The following ITFG1 variants were observed in gnomAD, a reference collection of about 807,000 sequenced individuals.
ITFG1 encodes integrin alpha FG-GAP repeat containing 1.
A neutral mutation model predicts 81.8 loss-of-function variants in ITFG1; 34 were observed. The observed-to-expected ratio is 0.42, with a 90% CI of 0.32 to 0.55. The LOEUF is 0.55. ITFG1 is among the 20% of genes least tolerant of loss of function. The pLI is 0.17. For missense variants in ITFG1, 672 were observed against 755.4 expected (o/e 0.89, Z 1.29); for synonymous variants, 285 against 270.6 (o/e 1.05, Z -0.52).
intron 13 of ITFG1, among the ~76,000 whole-genome samples, chr16:47,232,889 C>T (rs1415782467): frequency 1.3e-5 from 2 of 152,074 alleles, no homozygotes; most frequent in East Asian, 3.9e-4. Flanking sequence ...GATCCTCCTG[C>T]CTCGACCTCC....
rs1000629772 is a variant in ITFG1 at position 47,461,022 on chromosome 16, C to G, written c.24G>C (p.Pro8=). 7 of 1,544,194 alleles carry G rather than the reference C, an allele frequency of 4.5e-6. No individual in the cohort carries two copies. In the African/African-American group the frequency reaches 9.6e-5, roughly 21 times the overall value. ...GCGGCGAGAAGAGGGCCCAGGAGCT[C>G]GGGAGCCGGCCCGCCGCCGCCATGG... MAAAGRL[P]SSWALFSPLL... Residue 8 remains proline (P), a synonymous_variant, in exon 1 of 18, where the codon CCG becomes CCC. Transcript: ENST00000320640.
intron 10 of ITFG1, among the ~76,000 whole-genome samples, chr16:47,301,309 C>A (rs1057024171): frequency 2.0e-5 from 3 of 151,938 alleles, no homozygotes. Context: ...GTCAAACCTG[C>A]AAGTGCCTTA....
At chr16:47,394,791 T>C (rs1231474039) in intron 6 of ITFG1, among the ~76,000 whole-genome samples, 2 of 152,180 alleles carry the variant, frequency 1.3e-5, no homozygotes, top group East Asian at 1.9e-4. Context: ...TTCCTATGAA[T>C]GGTATCTGAG....
rs59625674 is a variant in ITFG1 at position 47,396,524 on chromosome 16, T to TTG, written c.656-20586_656-20585dup. ...ACAGTCTCCTAACCTAATAATTATT[T>TTG]TGTGTGTGTGTGTGTGTGTGAAAGA... On this transcript the variant is annotated intron_variant, in intron 6 of 17. Transcript: ENST00000320640. Among the ~76,000 whole-genome samples, 1,417 of 149,168 alleles carry TTG rather than the reference T, an allele frequency of 9.5e-3. 14 individuals carry two copies. Among genetic ancestry groups the TTG allele is most frequent in the Non-Finnish European group, 0.015 (1,010 of 67,222 alleles).
chr16:47,195,696 T>C (rs1007438310), intron 14 of ITFG1, among the ~76,000 whole-genome samples: 2 of 152,208 alleles, frequency 1.3e-5, no homozygotes, highest in African/African-American at 4.8e-5. Flanking sequence ...GTTTGTCTGA[T>C]AGCCTTTATT....
intron 6 of ITFG1, among the ~76,000 whole-genome samples, chr16:47,378,213 A>G (rs1968351146): frequency 6.6e-6 from 1 of 152,364 alleles, no homozygotes; most frequent in East Asian, 1.9e-4. Context: ...ATGCTACTAC[A>G]TTACAGGTGA....
At chr16:47,317,590 T>C (rs1181638009) in intron 8 of ITFG1, 1 of 152,152 alleles carries the variant, frequency 6.6e-6, no homozygotes, top group Non-Finnish European at 1.5e-5. Flanking sequence ...TTGTTGGACA[T>C]GAGAATTCTT....
chr16:47,414,597 CA>C (rs1968851998), intron 6 of ITFG1, among the ~76,000 whole-genome samples: 1 of 151,844 alleles, frequency 6.6e-6, no homozygotes, highest in African/African-American at 2.4e-5. Context: ...ACAATAACAA[CA>C]AAAACCCAGG....
At chr16:47,433,103 T>G (rs1969114459) in intron 5 of ITFG1, among the ~76,000 whole-genome samples, 1 of 152,212 alleles carries the variant, frequency 6.6e-6, no homozygotes, top group Non-Finnish European at 1.5e-5. Flanking sequence ...CTGAAATAAA[T>G]TATGGCTAGA....
chr16:47,166,820 T>C (rs1403503746), intron 14 of ITFG1, among the ~76,000 whole-genome samples: 1 of 151,664 alleles, frequency 6.6e-6, no homozygotes, highest in Non-Finnish European at 1.5e-5. Flanking sequence ...AGATACAGAA[T>C]ACTGGATCAA....
chr16:47,448,353 T>C (rs540587220), intron 5 of ITFG1: 10 of 152,334 alleles, frequency 6.6e-5, no homozygotes, highest in African/African-American at 2.4e-4. Flanking sequence ...TCTGGATTGA[T>C]AGTAGCTGAC....
At chr16:47,293,199 TC>T (rs1966934216) in intron 10 of ITFG1, among the ~76,000 whole-genome samples, 2 of 147,072 alleles carry the variant, frequency 1.4e-5, no homozygotes, top group Non-Finnish European at 3.0e-5. Context: ...ATATTATATA[TC>T]ATATATAAAT....
At chr16:47,236,460 G>C (rs1225034786) in intron 13 of ITFG1, among the ~76,000 whole-genome samples, 1 of 136,076 alleles carries the variant, frequency 7.3e-6, no homozygotes. Flanking sequence ...GGGGGACAGA[G>C]TGAGACTCCA....
chr16:47,245,424 C>T (rs183108593), intron 12 of ITFG1, among the ~76,000 whole-genome samples: 3 of 152,030 alleles, frequency 2.0e-5, no homozygotes, highest in African/African-American at 7.2e-5. Context: ...TTACTTCAAC[C>T]CATAATTGCA....
At chr16:47,409,758 T>C (rs1968786848) in intron 6 of ITFG1, among the ~76,000 whole-genome samples, 1 of 151,606 alleles carries the variant, frequency 6.6e-6, no homozygotes, top group Non-Finnish European at 1.5e-5. Context: ...AAATCTTACA[T>C]ACAAATGGCA....
chr16:47,178,911 G>T (rs1296187125), intron 14 of ITFG1, among the ~76,000 whole-genome samples: 3 of 152,114 alleles, frequency 2.0e-5, no homozygotes, highest in African/African-American at 4.8e-5. Flanking sequence ...CAAAAAGTGG[G>T]CAAAGGATAT....
rs1966920806 is a variant in ITFG1, at chr16:47,292,510, T to C, written c.1070+18730A>G. On this transcript the variant is annotated intron_variant, in intron 10 of 17. Transcript: ENST00000320640. The stretch of plus-strand genomic sequence containing the variant: ...AGTAATATAGGCTCTGTGCAGACTT[T>C]TCTCCCTTTTATTTACTCATGAATA... 2.0e-5 allele frequency among the ~76,000 whole-genome samples: 3 copies of C among 152,196 alleles called. No homozygotes were observed. In the South Asian group the frequency reaches 6.2e-4, roughly 32 times the overall value.
At chr16:47,304,267 T>A (rs1353330023) in intron 10 of ITFG1, among the ~76,000 whole-genome samples, 1 of 152,090 alleles carries the variant, frequency 6.6e-6, no homozygotes, top group Non-Finnish European at 1.5e-5. Flanking sequence ...TTAGTTAAGC[T>A]TAAGAGGGAA....
chr16:47,265,744 T>C (rs1020399801), intron 10 of ITFG1, among the ~76,000 whole-genome samples: 1 of 152,170 alleles, frequency 6.6e-6, no homozygotes, highest in East Asian at 1.9e-4. Context: ...AGAAAGTAGA[T>C]TTTGACAATA....
Sources: gnomAD v4.1 joint callset for allele counts (sites outside exome capture counted in the v4.1 genomes callset) on GRCh38, gnomAD v4.1.1 for gene constraint, MANE v1.5 for transcripts, NCBI Gene and HGNC (gene_info 2026-07-23, HGNC 2026-07-21) for gene names.